RRAS2: variants seen among roughly 807,000 people sequenced by gnomAD.
The protein encoded by RRAS2 is ras-related protein R-Ras2.
A neutral mutation model predicts 27.6 loss-of-function variants in RRAS2; 7 were observed. The observed-to-expected ratio is 0.25, with a 90% CI of 0.14 to 0.48. The LOEUF is 0.48. RRAS2 is among the 20% of genes least tolerant of loss of function. The pLI is 0.99. For synonymous variants in RRAS2, 86 were observed against 90.9 expected (o/e 0.95, Z 0.31); for missense variants, 178 against 256.2 (o/e 0.69, Z 2.08).
chr11:14,349,623 T>C (rs556451502), intron 1 of RRAS2, among the ~76,000 whole-genome samples: 17 of 152,292 alleles, frequency 1.1e-4, no homozygotes, highest in Middle Eastern at 3.4e-3. Flanking sequence ...CTTATTTGCT[T>C]ATAACAGTAT....
At chr11:14,280,781 A>C (rs1268349984) in intron 5 of RRAS2, among the ~76,000 whole-genome samples, 1 of 146,812 alleles carries the variant, frequency 6.8e-6, no homozygotes, top group Non-Finnish European at 1.5e-5. Flanking sequence ...CATTCCTATC[A>C]AACTGTCTAA....
intron 4 of RRAS2, among the ~76,000 whole-genome samples, 156 bp from the exon 5 acceptor site, chr11:14,281,876 G>A (rs1849547592): frequency 6.6e-6 from 1 of 152,158 alleles, no homozygotes; most frequent in Non-Finnish European, 1.5e-5. Flanking sequence ...ATAAACTAAA[G>A]CCCACCTCTG....
chr11:14,297,514 C>A (rs1184316870), intron 1 of RRAS2, among the ~76,000 whole-genome samples: 8 of 152,134 alleles, frequency 5.3e-5, no homozygotes, highest in Non-Finnish European at 1.2e-4. Context: ...GTGGCTCATG[C>A]CTGTAATCCT....
intron 1 of RRAS2, among the ~76,000 whole-genome samples, chr11:14,296,661 A>G (rs930974217): frequency 4.6e-5 from 7 of 152,222 alleles, no homozygotes; most frequent in African/African-American, 1.7e-4. Context: ...TTCCCCTTTC[A>G]ACTGCCTTAT....
rs1181460134 is a variant in RRAS2 at position 14,278,344 on chromosome 11, A to C, written c.*993T>G. ...TAGTTTCCACTTGTTTTTCTTTGTC[A>C]GTTAAAAGTGAACAGTGAGAATTAA... is the stretch of plus-strand genomic sequence containing the variant. On this transcript the variant is annotated 3_prime_UTR_variant, in exon 6 of 6. Transcript: ENST00000256196. 6.6e-6 allele frequency: 1 copy of C among 152,234 alleles called. No homozygotes were observed. Among genetic ancestry groups the C allele is most frequent in the Non-Finnish European group, 1.5e-5 (1 of 68,036 alleles). The allele number at this position is 152,234 out of a possible 1,614,324, so 9.4% of individuals were successfully genotyped here.
intron 1 of RRAS2, among the ~76,000 whole-genome samples, chr11:14,317,207 A>G (rs1236162192): frequency 6.6e-6 from 1 of 152,260 alleles, no homozygotes; most frequent in African/African-American, 2.4e-5. Context: ...AAGAGAATTC[A>G]AAACGTATAC....
intron 1 of RRAS2, among the ~76,000 whole-genome samples, chr11:14,338,444 T>G (rs1195270373): frequency 6.6e-6 from 1 of 152,198 alleles, no homozygotes; most frequent in Non-Finnish European, 1.5e-5. Context: ...TGAGATTTAT[T>G]TATGTTTCTA....
Position 14,294,594 on chromosome 11 carries a change from ATC to A in RRAS2, c.300-17_300-16del. 3.9e-6 allele frequency: 6 copies of A among 1,531,994 alleles called. No individual in the cohort carries two copies. The highest frequency in any genetic ancestry group is 1.4e-5 in the African/African-American group (1 of 71,824). 94.9% of individuals were successfully genotyped at this position (1,531,994 alleles called of 1,614,324 possible). A position where few individuals can be genotyped will look rare whatever the true frequency, so the allele number is the denominator to read the frequency against. On this transcript the variant is annotated splice_polypyrimidine_tract_variant and intron_variant, in intron 3 of 5. Coordinates refer to ENST00000256196, the MANE Select transcript of RRAS2 (RefSeq NM_012250.6). ...TTTCTTCAAAACTTAAAAAAAAAAA[ATC>A]AAAAACAAATTAATCAATTTGGTCA...
chr11:14,357,237 T>C (rs917025806), intron 1 of RRAS2, among the ~76,000 whole-genome samples: 9 of 152,266 alleles, frequency 5.9e-5, no homozygotes, highest in Non-Finnish European at 1.0e-4. Flanking sequence ...TAAATAACAC[T>C]ACCAATATTG....
chr11:14,279,780 G>C (rs893229182), intron 5 of RRAS2, among the ~76,000 whole-genome samples: 1 of 152,166 alleles, frequency 6.6e-6, no homozygotes, highest in Non-Finnish European at 1.5e-5. Flanking sequence ...AGGTATGCAG[G>C]TCTTATCTGT....
chr11:14,334,027 G>A (rs1328004078), intron 1 of RRAS2, among the ~76,000 whole-genome samples: 1 of 152,102 alleles, frequency 6.6e-6, no homozygotes, highest in African/African-American at 2.4e-5. Context: ...TGACCACATA[G>A]GTGATTTCTA....
intron 1 of RRAS2, among the ~76,000 whole-genome samples, chr11:14,305,389 C>T (rs1262399812): frequency 6.6e-6 from 1 of 152,212 alleles, no homozygotes; most frequent in Non-Finnish European, 1.5e-5. Context: ...AAGTTCCAAC[C>T]TCCAAAGCAC....
At chr11:14,313,323 A>C (rs1591464424) in intron 1 of RRAS2, among the ~76,000 whole-genome samples, 1 of 152,346 alleles carries the variant, frequency 6.6e-6, no homozygotes, top group African/African-American at 2.4e-5. Context: ...ACATGAAAAG[A>C]AAGTAAACAT....
intron 1 of RRAS2, among the ~76,000 whole-genome samples, chr11:14,338,064 T>G (rs1027791309): frequency 6.6e-6 from 1 of 152,170 alleles, no homozygotes; most frequent in Admixed American, 6.5e-5. Flanking sequence ...ATGTATATAG[T>G]GAGAATATTT....
intron 1 of RRAS2, chr11:14,364,383 A>T (rs1427920861): frequency 5.2e-5 from 80 of 1,535,896 alleles, no homozygotes; most frequent in Non-Finnish European, 6.5e-5. Context: ...AGAGCCTGCA[A>T]TACTTACCAT....
At chr11:14,284,677 G>C (rs1849617355) in intron 4 of RRAS2, among the ~76,000 whole-genome samples, 1 of 152,134 alleles carries the variant, frequency 6.6e-6, no homozygotes, top group African/African-American at 2.4e-5. Flanking sequence ...GAAGCTATTA[G>C]ATCACGAATG....
intron 1 of RRAS2, among the ~76,000 whole-genome samples, chr11:14,352,114 T>C (rs1294551625): frequency 1.3e-5 from 2 of 152,206 alleles, no homozygotes; most frequent in African/African-American, 4.8e-5. Context: ...TTTTAACACT[T>C]ATATTCTTAT....
intron 1 of RRAS2, among the ~76,000 whole-genome samples, chr11:14,330,107 T>C (rs1057292862): frequency 1.3e-5 from 2 of 152,086 alleles, no homozygotes; most frequent in Non-Finnish European, 1.5e-5. Flanking sequence ...TTAAAAAATA[T>C]CCAAATGACT....
At chr11:14,287,647 G>A (rs1021846335) in intron 4 of RRAS2, among the ~76,000 whole-genome samples, 2 of 152,022 alleles carry the variant, frequency 1.3e-5, no homozygotes, top group Non-Finnish European at 2.9e-5. Context: ...CGAGGTGGGT[G>A]GATCACCTAA....
Sources: allele counts gnomAD v4.1 joint callset (sites outside exome capture counted in the v4.1 genomes callset), GRCh38; gene constraint gnomAD v4.1.1; transcripts MANE v1.5; gene names NCBI Gene and HGNC (gene_info 2026-07-23, HGNC 2026-07-21).